The following CSMD1 variants were observed in gnomAD, a reference collection of about 807,000 sequenced individuals.
CSMD1 encodes CUB and sushi domain-containing protein 1.
Under a neutral mutation model 417.5 loss-of-function variants are expected in CSMD1, and 213 were observed. That is an observed-to-expected ratio of 0.51 (90% confidence interval 0.46 to 0.57). CSMD1 has a LOEUF of 0.57. CSMD1 is among the 20% of genes least tolerant of loss of function. CSMD1 has a pLI of 0.00. For synonymous variants in CSMD1, 2,862 were observed against 1,736.8 expected, an observed-to-expected ratio of 1.65 and a Z score of -16.11; for missense variants, 6,923 against 4,529.7, an observed-to-expected ratio of 1.53 and a Z score of -15.17.
intron 1 of CSMD1, among the ~76,000 whole-genome samples, chr8:4,665,570 T>C (rs1804871415): frequency 6.6e-6 from 1 of 152,142 alleles, no homozygotes; most frequent in Non-Finnish European, 1.5e-5. Context: ...TCCATCTCTG[T>C]AGCTTTGCCT....
chr8:3,051,775 A>G (rs1255841420), intron 50 of CSMD1, among the ~76,000 whole-genome samples: 2 of 152,226 alleles, frequency 1.3e-5, no homozygotes, highest in Non-Finnish European at 2.9e-5. Context: ...TCTAGTTTTA[A>G]TATACCTGCA....
rs556275247 is a variant in CSMD1, at chr8:3,224,588, C to T, written c.4346-721G>A. On this transcript the variant is annotated intron_variant, in intron 27 of 69. Transcript: ENST00000635120. ...AGTGAGGAGCTGAGCTGGAGCATTA[C>T]TCTCTGAAAATATCATTTGATCACA... 2.6e-5 allele frequency among the ~76,000 whole-genome samples: 4 copies of T among 152,304 alleles called. No individual in the cohort carries two copies. In the South Asian group the frequency reaches 6.2e-4, roughly 24 times the overall value.
chr8:3,756,984 A>G (rs927490260), intron 5 of CSMD1, among the ~76,000 whole-genome samples: 1 of 152,058 alleles, frequency 6.6e-6, no homozygotes, highest in Non-Finnish European at 1.5e-5. Context: ...AATTTTTTGT[A>G]GAGACTGGGG....
intron 5 of CSMD1, among the ~76,000 whole-genome samples, chr8:3,808,244 C>T (rs1047858903): frequency 6.6e-6 from 1 of 152,138 alleles, no homozygotes. Context: ...ACAAAATTCA[C>T]TAAGTAGTCA....
At chr8:3,318,542 C>A (rs1805934445) in intron 23 of CSMD1, among the ~76,000 whole-genome samples, 1 of 152,202 alleles carries the variant, frequency 6.6e-6, no homozygotes, top group South Asian at 2.1e-4. Flanking sequence ...GATGCCCATT[C>A]ATTAATTCAA....
At chr8:3,688,533 A>G (rs79359001) in intron 7 of CSMD1, among the ~76,000 whole-genome samples, 3,907 of 152,318 alleles carry the variant, frequency 0.026, 182 homozygotes, top group African/African-American at 0.088. Flanking sequence ...TCACATGTGC[A>G]AAACTTAACT....
intron 1 of CSMD1, among the ~76,000 whole-genome samples, chr8:4,831,734 G>C (rs973720517): frequency 6.6e-6 from 1 of 152,102 alleles, no homozygotes; most frequent in African/African-American, 2.4e-5. Context: ...GCCTGTACCT[G>C]GCCTTGGGGT....
intron 5 of CSMD1, among the ~76,000 whole-genome samples, chr8:3,905,315 A>G (rs1443704578): frequency 6.6e-6 from 1 of 152,212 alleles, no homozygotes; most frequent in Non-Finnish European, 1.5e-5. Context: ...GGTTAGTGAC[A>G]GGTACCTGAT....
intron 2 of CSMD1, among the ~76,000 whole-genome samples, chr8:4,547,788 C>A (rs1401512687): frequency 6.6e-6 from 1 of 152,048 alleles, no homozygotes; most frequent in African/African-American, 2.4e-5. Flanking sequence ...ATTTAATGTT[C>A]AAGAAAATAG....
chr8:3,871,340 A>T (rs78792192), intron 5 of CSMD1, among the ~76,000 whole-genome samples: 5,756 of 152,210 alleles, frequency 0.038, 168 homozygotes, highest in Non-Finnish European at 0.057. Context: ...CATAGTTGAT[A>T]TTGACAACTA....
chr8:2,994,428 G>A (rs1440993733), intron 54 of CSMD1, among the ~76,000 whole-genome samples: 1 of 152,160 alleles, frequency 6.6e-6, no homozygotes, highest in African/African-American at 2.4e-5. Flanking sequence ...TGAGGACGCA[G>A]GTGCTGATGT....
chr8:4,803,752 T>C (rs1798436657), intron 1 of CSMD1, among the ~76,000 whole-genome samples: 1 of 152,224 alleles, frequency 6.6e-6, no homozygotes, highest in Non-Finnish European at 1.5e-5. Flanking sequence ...TATAATTTTT[T>C]TCAAAGAACG....
At chr8:3,617,048 T>G (rs1802175398) in intron 7 of CSMD1, among the ~76,000 whole-genome samples, 1 of 152,194 alleles carries the variant, frequency 6.6e-6, no homozygotes, top group African/African-American at 2.4e-5. Context: ...ATGTCAAAAT[T>G]TAATAAAAAA....
chr8:4,596,269 G>C (rs1800270434), intron 2 of CSMD1, among the ~76,000 whole-genome samples: 1 of 152,108 alleles, frequency 6.6e-6, no homozygotes, highest in South Asian at 2.1e-4. Context: ...TTAAGTAAAA[G>C]CGGGAAGCAC....
chr8:4,453,959 C>G (rs1799316771), intron 2 of CSMD1, among the ~76,000 whole-genome samples: 1 of 150,926 alleles, frequency 6.6e-6, no homozygotes, highest in Admixed American at 6.6e-5. Flanking sequence ...GTAGCTGGGA[C>G]TACAGGCGCC....
chr8:4,994,452 G>C lies in CSMD1; in HGVS notation c.-36C>G. ...ACTCCACACGCACGCGACACCGATGGCTCCTCCGAGGAAGGCAGGGCTATG... is the reference window on the plus strand; with the variant it reads ...ACTCCACACGCACGCGACACCGATGCCTCCTCCGAGGAAGGCAGGGCTATG... On this transcript the variant is annotated 5_prime_UTR_variant, in exon 1 of 70. Transcript: ENST00000635120. The C allele has an allele frequency of 6.4e-7, 1 of 1,573,926 alleles. No individual in the cohort carries two copies. The highest frequency in any genetic ancestry group is 2.2e-5 in the East Asian group (1 of 44,626).
At chr8:4,052,575 G>C (rs1046245396) in intron 3 of CSMD1, among the ~76,000 whole-genome samples, 1 of 151,984 alleles carries the variant, frequency 6.6e-6, no homozygotes, top group African/African-American at 2.4e-5. Context: ...AGAAAATCAC[G>C]AAATTCTTGC....
intron 1 of CSMD1, among the ~76,000 whole-genome samples, chr8:4,982,865 T>C (rs529064774): frequency 3.1e-4 from 47 of 152,272 alleles, no homozygotes; most frequent in Non-Finnish European, 5.9e-4. Flanking sequence ...CAGCAAAGAA[T>C]GCAGGAAAGG....
rs1554520854 is a variant in CSMD1 at position 3,720,620 on chromosome 8, T to TACACACACACACAC, written c.932-12143_932-12130dup. Reference sequence around the variant, plus strand: ...CATTGGTGGTCAAAGTCTTTATTCTTACACACACACACACACACACACACA... The same window carrying TACACACACACACAC: ...CATTGGTGGTCAAAGTCTTTATTCTTACACACACACACACACACACACACACACACACACACACA... On this transcript the variant is annotated intron_variant, in intron 6 of 69. Transcript: ENST00000635120. Among the ~76,000 whole-genome samples, 207 of 143,414 alleles carry TACACACACACACAC rather than the reference T, an allele frequency of 1.4e-3. 3 individuals are homozygous for TACACACACACACAC. The highest frequency in any genetic ancestry group is 5.1e-3 in the African/African-American group (195 of 37,930). The allele number at this position is 143,414 out of a possible 152,430, so 94.1% of individuals were successfully genotyped here. A position where few individuals can be genotyped will look rare whatever the true frequency, so the allele number is the denominator to read the frequency against.
Sources: allele counts gnomAD v4.1 joint callset (sites outside exome capture counted in the v4.1 genomes callset), GRCh38; gene constraint gnomAD v4.1.1; transcripts MANE v1.5; gene names NCBI Gene and HGNC (gene_info 2026-07-23, HGNC 2026-07-21).